LRRC3B: variants seen among roughly 807,000 people sequenced by gnomAD.
LRRC3B encodes leucine-rich repeat-containing protein 3B.
In LRRC3B, 2 loss-of-function variants were observed where a neutral mutation model predicts 12.8. The ratio of observed to expected loss-of-function variants is 0.16; its 90% CI spans 0.06 to 0.49. The LOEUF is 0.49. LRRC3B is among the 20% of genes least tolerant of loss of function. The pLI is 0.96. For missense variants in LRRC3B, 189 were observed against 319.4 expected (o/e 0.59, Z 3.11); for synonymous variants, 132 against 122.0 (o/e 1.08, Z -0.54).
chr3:26,666,280 G>A (rs1699596586), intron 1 of LRRC3B, among the ~76,000 whole-genome samples: 1 of 151,962 alleles, frequency 6.6e-6, no homozygotes, highest in South Asian at 2.1e-4. Flanking sequence ...TAGTGGAGAA[G>A]AAAAGGAAAG....
intron 1 of LRRC3B, among the ~76,000 whole-genome samples, chr3:26,651,159 G>T (rs1575127684): frequency 6.6e-6 from 1 of 152,184 alleles, no homozygotes; most frequent in South Asian, 2.1e-4. Flanking sequence ...TAGAGAATGG[G>T]TGTAGTTAAA....
intron 1 of LRRC3B, among the ~76,000 whole-genome samples, chr3:26,677,796 G>C (rs966526985): frequency 6.6e-6 from 1 of 151,410 alleles, no homozygotes; most frequent in African/African-American, 2.4e-5. Flanking sequence ...CCTTTTGTTT[G>C]TTTGTTTGTT....
Position 26,627,565 on chromosome 3 carries a change from C to A in LRRC3B, c.-161+4328C>A, listed in dbSNP as rs373578370. 2.5e-4 allele frequency among the ~76,000 whole-genome samples: 38 copies of A among 152,170 alleles called. No individual in the cohort carries two copies. The East Asian group carries it at 7.0e-3, about 28-fold the overall frequency. On this transcript the variant is annotated intron_variant, in intron 1 of 1. Coordinates refer to ENST00000396641, the Ensembl canonical transcript of LRRC3B. ...TGGAGGTGAGGCTTGGCTGCTGAGG[C>A]ACCCAAGTGTGACCAAAATGCCCAC...
At chr3:26,642,840 A>T (rs1158634578) in intron 1 of LRRC3B, among the ~76,000 whole-genome samples, 1 of 152,092 alleles carries the variant, frequency 6.6e-6, no homozygotes, top group Non-Finnish European at 1.5e-5. Flanking sequence ...AACATGGTGA[A>T]AGCCTGTCTC....
In LRRC3B at chr3:26,671,011, C is replaced by CTTT. The variant is rs762788262; in HGVS notation, c.-160-38482_-160-38480dup. Among the ~76,000 whole-genome samples the CTTT allele has an allele frequency of 8.6e-3, 819 of 95,464 alleles. 30 individuals carry two copies. The highest frequency in any genetic ancestry group is 0.021 in the African/African-American group (472 of 22,646). The allele number at this position is 95,464 out of a possible 152,430, so 62.6% of individuals were successfully genotyped here. ...GGGCACAGTCTACCTTCTCATGTATCTTTTTTTTTTTTTTTTTTTTTTGAG... is the reference window on the plus strand; with the variant it reads ...GGGCACAGTCTACCTTCTCATGTATCTTTTTTTTTTTTTTTTTTTTTTTTTGAG... On this transcript the variant is annotated intron_variant, in intron 1 of 1. Transcript: ENST00000396641.
chr3:26,638,659 GT>G (rs78537240), intron 1 of LRRC3B, among the ~76,000 whole-genome samples: 5,184 of 152,306 alleles, frequency 0.034, 165 homozygotes, highest in East Asian at 0.13. Context: ...TCAACCTAAA[GT>G]TTGCAATTGA....
At chr3:26,674,551 C>A (rs1444178538) in intron 1 of LRRC3B, among the ~76,000 whole-genome samples, 1 of 152,144 alleles carries the variant, frequency 6.6e-6, no homozygotes, top group Non-Finnish European at 1.5e-5. Context: ...TAAAAACATT[C>A]TATCTATTCA....
chr3:26,651,763 C>T (rs1451234840), intron 1 of LRRC3B, among the ~76,000 whole-genome samples: 1 of 152,148 alleles, frequency 6.6e-6, no homozygotes, highest in African/African-American at 2.4e-5. Flanking sequence ...AAATACAGTC[C>T]TCTTGAAGTA....
chr3:26,705,436 G>GAGTT (rs1273399905), intron 1 of LRRC3B, among the ~76,000 whole-genome samples: 1 of 151,922 alleles, frequency 6.6e-6, no homozygotes, highest in African/African-American at 2.4e-5. Context: ...TGCAGAGGGG[G>GAGTT]AGTTAGGAGG....
chr3:26,639,250 C>T (rs1176967833), intron 1 of LRRC3B, among the ~76,000 whole-genome samples: 5 of 151,990 alleles, frequency 3.3e-5, no homozygotes, highest in Admixed American at 6.6e-5. Context: ...TCAAAATTAT[C>T]GTTTTGACTT....
intron 1 of LRRC3B, among the ~76,000 whole-genome samples, chr3:26,685,521 C>CTA (rs1297622788): frequency 1.3e-3 from 56 of 41,496 alleles, no homozygotes; most frequent in Non-Finnish European, 1.8e-3. Context: ...CTCTCTCTCT[C>CTA]TCTATATATA....
At chr3:26,675,936 C>T (rs941490588) in intron 1 of LRRC3B, among the ~76,000 whole-genome samples, 1 of 149,220 alleles carries the variant, frequency 6.7e-6, no homozygotes, top group African/African-American at 2.5e-5. Context: ...ATCCTTCATT[C>T]ATTTCATTTT....
In LRRC3B at chr3:26,671,371, TATAG is replaced by T. The variant is rs1318580114; in HGVS notation, c.-160-38140_-160-38137del. ...GTGTGTATATATATATATATATATA[TATAG>T]AGAGAGAGAGAGAGAGAGAGAGAGA... On this transcript the variant is annotated intron_variant, in intron 1 of 1. Coordinates refer to ENST00000396641, the Ensembl canonical transcript of LRRC3B. Among the ~76,000 whole-genome samples, 201 of 35,946 alleles carry T rather than the reference TATAG, an allele frequency of 5.6e-3. 1 individual carries two copies. Among genetic ancestry groups the T allele is most frequent in the Non-Finnish European group, 7.5e-3 (159 of 21,244 alleles). The allele number at this position is 35,946 out of a possible 152,430, so 23.6% of individuals were successfully genotyped here.
exon 2 of LRRC3B, chr3:26,710,242 C>A: frequency 6.2e-7 from 1 of 1,613,688 alleles, no homozygotes. Context: ...ATGCTGCCAA[C>A]GACGCTGACC....
At chr3:26,660,214 G>A (rs377029600) in intron 1 of LRRC3B, among the ~76,000 whole-genome samples, 4 of 152,242 alleles carry the variant, frequency 2.6e-5, no homozygotes, top group East Asian at 3.9e-4. Flanking sequence ...TCTGGTTCCC[G>A]GATGCAGGTA....
chr3:26,687,994 T>G (rs1300094102), intron 1 of LRRC3B, among the ~76,000 whole-genome samples: 1 of 152,226 alleles, frequency 6.6e-6, no homozygotes, highest in Non-Finnish European at 1.5e-5. Flanking sequence ...CCTCCTTGCT[T>G]TGGTGACATA....
intron 1 of LRRC3B, among the ~76,000 whole-genome samples, chr3:26,705,332 C>T (rs1171088107): frequency 6.6e-6 from 1 of 151,882 alleles, no homozygotes; most frequent in African/African-American, 2.4e-5. Flanking sequence ...CATACTTAAA[C>T]ACCACATCTA....
chr3:26,709,202 T>C (rs185313837), intron 1 of LRRC3B, among the ~76,000 whole-genome samples: 14 of 152,296 alleles, frequency 9.2e-5, no homozygotes, highest in Middle Eastern at 3.4e-3. Flanking sequence ...TTTATTTCTG[T>C]AGAATTCGAA....
At chr3:26,671,413 G>GAGAGAGAGAGAGAGAGAGGGAGAGAGAC (rs9331540) in intron 1 of LRRC3B, among the ~76,000 whole-genome samples, 1 of 99,388 alleles carries the variant, frequency 1.0e-5, no homozygotes, top group African/African-American at 4.3e-5. Context: ...GAGAGAGAGA[G>GAGAGAGAGAGAGAGAGAGGGAGAGAGAC]ACGAAGTCTT....
Sources: allele counts gnomAD v4.1 joint callset (sites outside exome capture counted in the v4.1 genomes callset), GRCh38; gene constraint gnomAD v4.1.1; transcripts MANE v1.5; gene names NCBI Gene and HGNC (gene_info 2026-07-23, HGNC 2026-07-21).